The following ZDHHC15 variants were observed in gnomAD, a reference collection of about 807,000 sequenced individuals.
The protein encoded by ZDHHC15 is zDHHC palmitoyltransferase 15, also known as palmitoyltransferase ZDHHC15.
Under a neutral mutation model 31.7 loss-of-function variants are expected in ZDHHC15, and 19 were observed. That is an observed-to-expected ratio of 0.60 (90% confidence interval 0.42 to 0.88). The LOEUF is 0.88. ZDHHC15 is among the 40% of genes least tolerant of loss of function. ZDHHC15 has a pLI of 0.00. For synonymous variants in ZDHHC15, 103 were observed against 90.0 expected (o/e 1.14, Z -0.82); for missense variants, 209 against 251.2 (o/e 0.83, Z 1.14).
chrX:75,456,340 C>T (rs1481010343), intron 3 of ZDHHC15, among the ~76,000 whole-genome samples: 4 of 103,408 alleles, frequency 3.9e-5, no homozygotes, highest in African/African-American at 1.4e-4. Flanking sequence ...ACATCATATA[C>T]CAGGGCCTGT....
rs188084678 is a variant in ZDHHC15 at position 75,466,934 on chromosome X, A to G, written c.258+11957T>C. On this transcript the variant is annotated intron_variant, in intron 3 of 11. Transcript: ENST00000373367. ...CAGCATCAGGAAGAGGAGCTAATGG[A>G]TGCTGGGATTCACACCTAGGTGATG... Among the ~76,000 whole-genome samples the G allele has an allele frequency of 8.0e-3, 887 of 110,598 alleles. 11 individuals are homozygous for G. Among genetic ancestry groups the G allele is most frequent in the African/African-American group, 0.027 (815 of 30,410 alleles).
intron 3 of ZDHHC15, among the ~76,000 whole-genome samples, chrX:75,473,067 C>T (rs186888145): frequency 1.2e-4 from 13 of 112,125 alleles, no homozygotes; most frequent in South Asian, 3.8e-4. Flanking sequence ...TCCACCATCA[C>T]GGTAATCCAC....
intron 11 of ZDHHC15, 115 bp downstream of exon 11, chrX:75,379,005 G>T: frequency 1.8e-6 from 1 of 543,245 alleles, no homozygotes; most frequent in African/African-American, 2.3e-5. Flanking sequence ...CAAGAGTGAA[G>T]AATTTAAAAT....
In ZDHHC15 at chrX:75,371,474, C is replaced by G. The variant is rs1348266889; in HGVS notation, c.*1504G>C. ...ACCTTGGTCAAAATTACCTAGGGAT[C>G]CAGATGAACAGGTTTTGTTGTTGCT... On this transcript the variant is annotated 3_prime_UTR_variant, in exon 12 of 12. Coordinates refer to ENST00000373367, the MANE Select transcript of ZDHHC15 (RefSeq NM_144969.3). 1.8e-5 allele frequency: 2 copies of G among 111,943 alleles called. No homozygotes were observed. Among genetic ancestry groups the G allele is most frequent in the Non-Finnish European group, 3.8e-5 (2 of 53,227 alleles). 9.2% of individuals were successfully genotyped at this position (111,943 alleles called of 1,213,427 possible).
At chrX:75,457,404 G>T (rs1372474835) in intron 3 of ZDHHC15, among the ~76,000 whole-genome samples, 1 of 110,888 alleles carries the variant, frequency 9.0e-6, no homozygotes. Flanking sequence ...GTCTTTGGTT[G>T]AATATTTTCT....
chrX:75,440,510 A>G (rs1393680987), intron 4 of ZDHHC15, among the ~76,000 whole-genome samples: 1 of 111,973 alleles, frequency 8.9e-6, no homozygotes, highest in East Asian at 2.8e-4. Context: ...CGATCTCCTG[A>G]CCTCGTGATC....
Position 75,429,095 on chromosome X carries a change from A to G in ZDHHC15, c.586T>C (p.Phe196Leu). 2 of 1,208,853 alleles carry G rather than the reference A, an allele frequency of 1.7e-6. No homozygotes were observed. Among genetic ancestry groups the G allele is most frequent in the Middle Eastern group, 2.3e-4 (1 of 4,341 alleles). ...LYIATTVFSYFIKYWRGELPS... is the reference protein window; with the variant it reads ...LYIATTVFSYLIKYWRGELPS... The stretch of plus-strand genomic sequence containing the variant: ...TAACTTACTCTCCAGTATTTGATGA[A>G]ATAGCTGAAGACTGTCGTAGCAATG... The change falls in exon 7 of 12, where the codon TTC (phenylalanine) becomes CTC (leucine). Residue 196 changes from phenylalanine to leucine, a missense_variant. Physicochemically the swap from Phe to Leu is conservative, Grantham distance 22. Coordinates refer to ENST00000373367, the MANE Select transcript of ZDHHC15 (RefSeq NM_144969.3).
rs2083153685 is a variant in ZDHHC15, at chrX:75,384,047, TGTTA to T, written c.968-4853_968-4850del. On this transcript the variant is annotated intron_variant, in intron 10 of 11. Transcript: ENST00000373367. ...GTGAACCACCGCACCCGGCCAGAAA[TGTTA>T]GTTTTTCCCTATTCTCTCTCCTTTT... 3.6e-5 allele frequency among the ~76,000 whole-genome samples: 4 copies of T among 110,693 alleles called. No homozygotes were observed. The South Asian group carries it at 1.5e-3, about 42-fold the overall frequency.
intron 10 of ZDHHC15, among the ~76,000 whole-genome samples, chrX:75,415,367 G>C (rs2083537707): frequency 9.0e-6 from 1 of 111,073 alleles, no homozygotes; most frequent in South Asian, 3.7e-4. Flanking sequence ...CTCCTTCAAT[G>C]AACTTAAAAA....
chrX:75,438,044 G>C (rs1378055552), intron 4 of ZDHHC15, among the ~76,000 whole-genome samples: 1 of 111,885 alleles, frequency 8.9e-6, no homozygotes, highest in African/African-American at 3.3e-5. Flanking sequence ...ACCATCACTG[G>C]CCATCAGAGA....
intron 2 of ZDHHC15, among the ~76,000 whole-genome samples, chrX:75,493,172 A>T (rs2084928760): frequency 8.9e-6 from 1 of 112,208 alleles, no homozygotes; most frequent in African/African-American, 3.2e-5. Context: ...AAAATAAAAT[A>T]GAAAATCTAG....
At chrX:75,379,223 A>G (rs867249356) in intron 10 of ZDHHC15, 25 bp from the exon 11 acceptor site, 2 of 1,208,486 alleles carry the variant, frequency 1.7e-6, no homozygotes, top group Middle Eastern at 2.3e-4. Flanking sequence ...CGTGAAGATG[A>G]TCAAATGTCC....
intron 2 of ZDHHC15, among the ~76,000 whole-genome samples, chrX:75,494,685 A>T (rs1457307912): frequency 1.8e-4 from 20 of 112,388 alleles, no homozygotes; most frequent in African/African-American, 6.1e-4. Flanking sequence ...AATTGGAAAA[A>T]GATTCCCTAT....
intron 4 of ZDHHC15, among the ~76,000 whole-genome samples, chrX:75,433,406 A>G (rs1252779834): frequency 1.8e-5 from 2 of 110,740 alleles, no homozygotes; most frequent in East Asian, 5.7e-4. Flanking sequence ...TGTACCCAGC[A>G]TGTAGTCTGT....
chrX:75,403,432 G>A (rs980474972), intron 10 of ZDHHC15, among the ~76,000 whole-genome samples: 1 of 112,014 alleles, frequency 8.9e-6, no homozygotes, highest in Non-Finnish European at 1.9e-5. Flanking sequence ...AAGAGAAGAA[G>A]TCAAACTATA....
intron 3 of ZDHHC15, among the ~76,000 whole-genome samples, chrX:75,454,356 C>A (rs745796290): frequency 8.9e-6 from 1 of 111,829 alleles, no homozygotes; most frequent in South Asian, 3.7e-4. Context: ...GGGTTGGTTC[C>A]AAGTCTTTGC....
chrX:75,443,538 C>T (rs1221975421), intron 4 of ZDHHC15, among the ~76,000 whole-genome samples: 1 of 112,026 alleles, frequency 8.9e-6, no homozygotes, highest in African/African-American at 3.3e-5. Context: ...TAGGCAATAA[C>T]ATTCAGGACA....
At chrX:75,516,646 C>T (rs907418030) in intron 1 of ZDHHC15, among the ~76,000 whole-genome samples, 2 of 111,860 alleles carry the variant, frequency 1.8e-5, no homozygotes, top group Non-Finnish European at 3.8e-5. Context: ...CAAGAAAACC[C>T]AGGCAATACG....
intron 7 of ZDHHC15, among the ~76,000 whole-genome samples, chrX:75,426,638 G>T (rs2083716759): frequency 1.8e-5 from 2 of 111,286 alleles, no homozygotes; most frequent in African/African-American, 3.3e-5. Context: ...TGTGAGGGAT[G>T]TATTACTATT....
Sources: allele counts gnomAD v4.1 joint callset (sites outside exome capture counted in the v4.1 genomes callset), GRCh38; gene constraint gnomAD v4.1.1; transcripts MANE v1.5; gene names NCBI Gene and HGNC (gene_info 2026-07-23, HGNC 2026-07-21).